Variants in SUN5 observed in about 807,000 individuals in gnomAD.
SUN5 encodes SUN domain-containing protein 5.
In SUN5, 44 loss-of-function variants were observed where a neutral mutation model predicts 53.7. The observed-to-expected ratio is 0.82, with a 90% confidence interval of 0.64 to 1.05. SUN5 has a LOEUF of 1.05. Among genes scored for constraint, SUN5 ranks in the 50% least tolerant of loss-of-function variants. SUN5 has a pLI of 0.00. For synonymous variants in SUN5, 166 were observed against 179.8 expected (o/e 0.92, Z 0.62); for missense variants, 433 against 483.8 (o/e 0.90, Z 0.98).
intron 3 of SUN5, among the ~76,000 whole-genome samples, chr20:33,001,523 T>TTTC (rs762446041): frequency 1.7e-5 from 2 of 120,948 alleles, no homozygotes; most frequent in African/African-American, 8.1e-5. Context: ...TTCTTTCTTC[T>TTTC]TTCTTTCTTT....
chr20:33,001,519 C>CTCTCT (rs1555876494), intron 3 of SUN5, among the ~76,000 whole-genome samples: 1 of 121,324 alleles, frequency 8.2e-6, no homozygotes, highest in African/African-American at 3.5e-5. Context: ...TTCTTTCTTT[C>CTCTCT]TTCTTTCTTT....
chr20:33,002,612 C>A lies in SUN5; in HGVS notation c.186G>T (p.Leu62=), dbSNP rs376720906. ...ACACACATCCCAGCATGCACTGAGT[C>A]AGGCCTAGGGCTTGGTCATTGTTGC... ...PVRNNDQALG[L]TQCMLGCVSW... is the part of the protein sequence containing the mutation. Residue 62 remains leucine, a synonymous_variant, in exon 3 of 13, where the codon CTG becomes CTT. Coordinates refer to ENST00000356173, the MANE Select transcript of SUN5 (RefSeq NM_080675.4). The A allele has an allele frequency of 6.2e-7, 1 of 1,614,220 alleles. No individual in the cohort carries two copies. Among genetic ancestry groups the A allele is most frequent in the Admixed American group, 1.7e-5 (1 of 60,028 alleles).
intron 8 of SUN5, among the ~76,000 whole-genome samples, chr20:32,990,922 C>T (rs1989693970): frequency 6.6e-6 from 1 of 152,192 alleles, no homozygotes; most frequent in Non-Finnish European, 1.5e-5. Flanking sequence ...GCAATGGTAA[C>T]TAGAACAATA....
intron 5 of SUN5, among the ~76,000 whole-genome samples, chr20:32,998,963 A>T (rs1311133494): frequency 6.6e-6 from 1 of 152,164 alleles, no homozygotes; most frequent in Non-Finnish European, 1.5e-5. Context: ...TGAACTCAGG[A>T]GTTTGAGGCT....
chr20:32,996,276 G>C lies in SUN5; in HGVS notation c.425+48C>G, dbSNP rs144900840. 35,108 of 1,597,246 alleles carry C rather than the reference G, an allele frequency of 0.022. 444 individuals are homozygous for C. Among genetic ancestry groups the C allele is most frequent in the Non-Finnish European group, 0.025 (28,719 of 1,166,094 alleles). Reference sequence around the variant, plus strand: ...CAATACACCCCAGATTCTGGCTATAGCTCTGCTTTTTAGGTAATAATATGG... The same window carrying C: ...CAATACACCCCAGATTCTGGCTATACCTCTGCTTTTTAGGTAATAATATGG... On this transcript the variant is annotated intron_variant, in intron 7 of 12. Transcript: ENST00000356173.
Position 33,002,567 on chromosome 20 carries a change from A to C in SUN5, c.211+20T>G. The C allele has an allele frequency of 1.2e-6, 2 of 1,613,580 alleles. No individual in the cohort carries two copies. The highest frequency in any genetic ancestry group is 1.7e-6 in the Non-Finnish European group (2 of 1,179,458). ...CAGACCCATATTGATGACGAAGGTG[A>C]TTATTCAGTATATACGTACACACAC... On this transcript the variant is annotated intron_variant, in intron 3 of 12. Coordinates refer to ENST00000356173, the MANE Select transcript of SUN5 (RefSeq NM_080675.4).
intron 5 of SUN5, among the ~76,000 whole-genome samples, chr20:32,999,487 G>C (rs1390787258): frequency 1.3e-5 from 2 of 152,132 alleles, no homozygotes; most frequent in African/African-American, 4.8e-5. Flanking sequence ...CAGCTACTCG[G>C]GAGACTGAGG....
At chr20:32,999,885 G>C in intron 5 of SUN5, 189 bp downstream of exon 5, 1 of 1,538,638 alleles carries the variant, frequency 6.5e-7, no homozygotes, top group Non-Finnish European at 8.8e-7. Flanking sequence ...TATAACTTCT[G>C]AAGCATTTCT....
At chr20:33,001,145 G>A (rs1989994426) in intron 4 of SUN5, 67 bp downstream of exon 4, 4 of 1,511,138 alleles carry the variant, frequency 2.6e-6, no homozygotes, top group Non-Finnish European at 2.7e-6. Flanking sequence ...CTGATGGAGG[G>A]GCTGTTATGG....
At chr20:32,993,682 A>G (rs368781206) in intron 8 of SUN5, among the ~76,000 whole-genome samples, 1 of 152,340 alleles carries the variant, frequency 6.6e-6, no homozygotes, top group African/African-American at 2.4e-5. Context: ...AACAAGCAAG[A>G]GATCAAGGCC....
chr20:32,999,278 C>T (rs1989934395), intron 5 of SUN5, among the ~76,000 whole-genome samples: 1 of 152,054 alleles, frequency 6.6e-6, no homozygotes. Flanking sequence ...TTAAGAAACC[C>T]ATTTCTAATA....
At chr20:32,999,988 G>A (rs1311623612) in intron 5 of SUN5, 86 bp downstream of exon 5, 2 of 1,565,130 alleles carry the variant, frequency 1.3e-6, no homozygotes, top group Non-Finnish European at 1.7e-6. Context: ...TCACGTGGCA[G>A]TGCAGTGTCT....
rs1270350704 is a variant in SUN5 at position 33,004,390 on chromosome 20, G to A, written c.-50C>T. ...ATGGAGATGGGAACTCTGGGAGCTGGTGAGGAGGAAGGGGCTGATGCCTCT... is the reference window on the plus strand; with the variant it reads ...ATGGAGATGGGAACTCTGGGAGCTGATGAGGAGGAAGGGGCTGATGCCTCT... On this transcript the variant is annotated 5_prime_UTR_variant, in exon 1 of 13. Transcript: ENST00000356173. 6.6e-7 allele frequency: 1 copy of A among 1,516,006 alleles called. No homozygotes were observed. The highest frequency in any genetic ancestry group is 2.5e-5 in the East Asian group (1 of 39,414). The allele number at this position is 1,516,006 out of a possible 1,614,324, so 93.9% of individuals were successfully genotyped here.
At chr20:32,987,139 C>T (rs1050897964) in intron 10 of SUN5, among the ~76,000 whole-genome samples, 5 of 152,330 alleles carry the variant, frequency 3.3e-5, no homozygotes, top group South Asian at 2.1e-4. Flanking sequence ...TTCTCTGGGC[C>T]TCATTTTCCT....
chr20:32,999,287 T>C (rs1156554478), intron 5 of SUN5, among the ~76,000 whole-genome samples: 7 of 152,190 alleles, frequency 4.6e-5, no homozygotes, highest in South Asian at 2.1e-4. Context: ...CCATTTCTAA[T>C]AGCGTCACAA....
rs778283453 is a variant in SUN5, at chr20:32,983,817, T to G, written c.1117A>C (p.Asn373His). Reference protein sequence around the residue: ...VAPPREQPHQNPYPKRD With the variant: ...VAPPREQPHQHPYPKRD Reference sequence around the variant, plus strand: ...TTTTAATCTCTCTTAGGGTAGGGGTTCTGGTGAGGCTGCTCTCTGGGCGGG... The same window carrying G: ...TTTTAATCTCTCTTAGGGTAGGGGTGCTGGTGAGGCTGCTCTCTGGGCGGG... Residue 373 changes from asparagine to histidine, a missense_variant, in exon 13 of 13, where the codon AAC becomes CAC. Physicochemically the swap from Asn to His is moderately conservative, Grantham distance 68. Coordinates refer to ENST00000356173, the MANE Select transcript of SUN5 (RefSeq NM_080675.4). The G allele has an allele frequency of 2.1e-5, 33 of 1,563,590 alleles. No homozygotes were observed. The highest frequency in any genetic ancestry group is 2.8e-5 in the Non-Finnish European group (32 of 1,153,938).
chr20:32,984,369 C>G (rs1420458357), intron 12 of SUN5, among the ~76,000 whole-genome samples: 1 of 152,186 alleles, frequency 6.6e-6, no homozygotes, highest in Non-Finnish European at 1.5e-5. Flanking sequence ...CCACAGACTC[C>G]CGGCACATAG....
intron 11 of SUN5, 63 bp downstream of exon 11, chr20:32,985,673 G>C: frequency 1.3e-6 from 2 of 1,573,338 alleles, no homozygotes; most frequent in Non-Finnish European, 1.7e-6. Context: ...CCCAGGCCTG[G>C]AATATCACCA....
At chr20:33,003,015 T>A (rs1404750949) in intron 1 of SUN5, 96 bp from the exon 2 acceptor site, 1 of 1,424,834 alleles carries the variant, frequency 7.0e-7, no homozygotes, top group Non-Finnish European at 9.7e-7. Flanking sequence ...GAAACTGAGG[T>A]ACAGAGAAGG....
Sources: gnomAD v4.1 joint callset for allele counts (sites outside exome capture counted in the v4.1 genomes callset) on GRCh38, gnomAD v4.1.1 for gene constraint, MANE v1.5 for transcripts, NCBI Gene and HGNC (gene_info 2026-07-23, HGNC 2026-07-21) for gene names.